The following HHAT variants were observed in gnomAD, a reference collection of about 807,000 sequenced individuals.
The protein encoded by HHAT is protein-cysteine N-palmitoyltransferase HHAT.
A neutral mutation model predicts 70.8 loss-of-function variants in HHAT; 47 were observed. The observed-to-expected ratio is 0.66, with a 90% CI of 0.53 to 0.85. The LOEUF (loss-of-function observed/expected upper bound fraction) is 0.85, where lower values mean the gene tolerates loss of function less well. HHAT is among the 40% of genes least tolerant of loss of function. The pLI is 0.00. For missense variants in HHAT, 609 were observed against 604.8 expected, an observed-to-expected ratio of 1.01 and a Z score of -0.07; for synonymous variants, 228 against 247.6, an observed-to-expected ratio of 0.92 and a Z score of 0.74.
At chr1:210,498,215 G>A (rs1038003419) in intron 8 of HHAT, among the ~76,000 whole-genome samples, 5 of 152,168 alleles carry the variant, frequency 3.3e-5, no homozygotes, top group Non-Finnish European at 5.9e-5. Context: ...ATGTCCAGAA[G>A]AACAAGGTTT....
chr1:210,547,051 C>T (rs60629769), intron 9 of HHAT, among the ~76,000 whole-genome samples: 28,681 of 152,026 alleles, frequency 0.19, 3,305 homozygotes, highest in Middle Eastern at 0.29. Flanking sequence ...CAGGTTAGGC[C>T]GGGCATGGTG....
At position 210,675,348 on chromosome 1, in the gene HHAT, A is replaced by G. The variant is rs1453420028; in HGVS notation, c.*969A>G. The G allele has an allele frequency of 1.3e-5, 2 of 152,192 alleles. No homozygotes were observed. The highest frequency in any genetic ancestry group is 4.8e-5 in the African/African-American group (2 of 41,458). The allele number at this position is 152,192 out of a possible 1,614,324, so 9.4% of individuals were successfully genotyped here. On this transcript the variant is annotated 3_prime_UTR_variant, in exon 12 of 12. Coordinates refer to ENST00000261458, the MANE Select transcript of HHAT (RefSeq NM_018194.6). Reference sequence around the variant, plus strand: ...ATTATTTTGAATATGTTTGAGGAAAATGTTTAAAATCTAAATATACTCACA... The same window carrying G: ...ATTATTTTGAATATGTTTGAGGAAAGTGTTTAAAATCTAAATATACTCACA...
At chr1:210,506,834 C>T (rs905785878) in intron 8 of HHAT, among the ~76,000 whole-genome samples, 3 of 152,216 alleles carry the variant, frequency 2.0e-5, no homozygotes, top group Non-Finnish European at 4.4e-5. Context: ...TTGCTTCACT[C>T]AACGACATTT....
intron 8 of HHAT, among the ~76,000 whole-genome samples, chr1:210,489,047 G>A (rs1400359613): frequency 6.6e-6 from 1 of 152,220 alleles, no homozygotes; most frequent in Non-Finnish European, 1.5e-5. Flanking sequence ...AATGGTTCAT[G>A]ACAAATTCTG....
At chr1:210,379,519 T>C (rs576919915) in intron 3 of HHAT, among the ~76,000 whole-genome samples, 2 of 152,240 alleles carry the variant, frequency 1.3e-5, no homozygotes, top group Non-Finnish European at 2.9e-5. Flanking sequence ...AAGTTCCTTT[T>C]TGTTAACCGT....
intron 10 of HHAT, among the ~76,000 whole-genome samples, chr1:210,601,352 CA>C (rs1664228004): frequency 6.6e-6 from 1 of 152,064 alleles, no homozygotes; most frequent in Non-Finnish European, 1.5e-5. Flanking sequence ...GTCAGTAGTC[CA>C]AGCCCCAACT....
intron 8 of HHAT, among the ~76,000 whole-genome samples, chr1:210,484,497 T>C (rs2148495121): frequency 6.9e-6 from 1 of 145,630 alleles, no homozygotes; most frequent in South Asian, 2.1e-4. Context: ...ATAGCTACTT[T>C]TTTTTTTTTT....
chr1:210,586,727 AC>A (rs1445623157), intron 9 of HHAT, among the ~76,000 whole-genome samples: 1 of 152,190 alleles, frequency 6.6e-6, no homozygotes, highest in Non-Finnish European at 1.5e-5. Context: ...ACAAAGAAGC[AC>A]TGATCAGCAA....
At chr1:210,630,260 T>C (rs1670611140) in intron 11 of HHAT, among the ~76,000 whole-genome samples, 1 of 152,144 alleles carries the variant, frequency 6.6e-6, no homozygotes, top group Non-Finnish European at 1.5e-5. Flanking sequence ...TCCCTATTGC[T>C]GTGTGAGGTG....
At chr1:210,659,410 A>G (rs1677159900) in intron 11 of HHAT, among the ~76,000 whole-genome samples, 1 of 152,212 alleles carries the variant, frequency 6.6e-6, no homozygotes, top group Non-Finnish European at 1.5e-5. Context: ...ATAGACCAAT[A>G]ACCGGCTCTG....
At chr1:210,531,823 G>C (rs2095317783) in intron 9 of HHAT, among the ~76,000 whole-genome samples, 1 of 152,214 alleles carries the variant, frequency 6.6e-6, no homozygotes, top group Non-Finnish European at 1.5e-5. Flanking sequence ...AACTAACAGT[G>C]TTTCTTTTCC....
intron 9 of HHAT, among the ~76,000 whole-genome samples, chr1:210,551,263 G>A (rs2095525275): frequency 6.7e-6 from 1 of 148,746 alleles, no homozygotes; most frequent in Non-Finnish European, 1.5e-5. Flanking sequence ...AGGGAGAGAG[G>A]GGATGTCCCA....
At chr1:210,394,002 T>G (rs2091620429) in intron 4 of HHAT, among the ~76,000 whole-genome samples, 1 of 152,140 alleles carries the variant, frequency 6.6e-6, no homozygotes, top group African/African-American at 2.4e-5. Flanking sequence ...AGTGGAAGAT[T>G]TAGGCTGCAG....
intron 8 of HHAT, among the ~76,000 whole-genome samples, chr1:210,494,571 A>G (rs2094603853): frequency 4.1e-5 from 1 of 24,646 alleles, no homozygotes; most frequent in African/African-American, 2.0e-4. Flanking sequence ...TTTTTTTTTG[A>G]GACAGAGTTT....
Position 210,581,595 on chromosome 1 carries a change from G to A in HHAT, c.1044-6303G>A, listed in dbSNP as rs574384728. 2.0e-5 allele frequency among the ~76,000 whole-genome samples: 3 copies of A among 152,328 alleles called. No individual in the cohort carries two copies. The East Asian group carries it at 5.8e-4, about 29-fold the overall frequency. ...TAAAGGACTAGTACTTTTACTTTGG[G>A]TGGTAAATCTCTTAGGGTTGGAGTA... On this transcript the variant is annotated intron_variant, in intron 9 of 11. Coordinates refer to ENST00000261458, the MANE Select transcript of HHAT (RefSeq NM_018194.6).
intron 7 of HHAT, among the ~76,000 whole-genome samples, chr1:210,432,979 C>T (rs976715505): frequency 6.6e-6 from 1 of 151,746 alleles, no homozygotes; most frequent in Non-Finnish European, 1.5e-5. Flanking sequence ...CTCTCGATGG[C>T]AGGGCTCTCA....
Position 210,526,555 on chromosome 1 carries a change from A to G in HHAT, c.1043+13367A>G, listed in dbSNP as rs990893920. 3.3e-5 allele frequency among the ~76,000 whole-genome samples: 5 copies of G among 152,090 alleles called. No individual in the cohort carries two copies. The South Asian group carries it at 6.2e-4, about 19-fold the overall frequency. On this transcript the variant is annotated intron_variant, in intron 9 of 11. Coordinates refer to ENST00000261458, the MANE Select transcript of HHAT (RefSeq NM_018194.6). ...AACAGAAGCAGCCTGTGGAATGGAA[A>G]AGGCATTGGATCAGATGCAGAAGAC...
intron 11 of HHAT, among the ~76,000 whole-genome samples, chr1:210,670,002 G>T (rs1248471270): frequency 1.3e-5 from 2 of 152,016 alleles, no homozygotes; most frequent in African/African-American, 2.4e-5. Context: ...GTGGGGAGGG[G>T]TGCATGGGTG....
At position 210,525,898 on chromosome 1, in the gene HHAT, A is replaced by G. The variant is rs377606993; in HGVS notation, c.1043+12710A>G. Among the ~76,000 whole-genome samples the G allele has an allele frequency of 2.6e-5, 4 of 152,344 alleles. No individual in the cohort carries two copies. In the East Asian group the frequency reaches 7.7e-4, roughly 29 times the overall value. ...TTAGGCCACTGCAGATGGGTTATTT[A>G]CTTGACAGGCCATTTGTTAAGTGTT... On this transcript the variant is annotated intron_variant, in intron 9 of 11. Coordinates refer to ENST00000261458, the MANE Select transcript of HHAT (RefSeq NM_018194.6).
Sources: allele counts gnomAD v4.1 joint callset (sites outside exome capture counted in the v4.1 genomes callset), GRCh38; gene constraint gnomAD v4.1.1; transcripts MANE v1.5; gene names NCBI Gene and HGNC (gene_info 2026-07-23, HGNC 2026-07-21).